The following SGCZ variants were observed in gnomAD, a reference collection of about 807,000 sequenced individuals.
SGCZ encodes zeta-sarcoglycan.
SGCZ carries 40 observed loss-of-function variants against 41.3 expected under a neutral mutation model. The ratio of observed to expected loss-of-function variants is 0.97; its 90% CI spans 0.75 to 1.26. The LOEUF is 1.26. SGCZ is among the 50% of genes most tolerant of loss of function. SGCZ has a pLI of 0.00. For missense variants in SGCZ, 552 were observed against 369.8 expected, an observed-to-expected ratio of 1.49 and a Z score of -4.04; for synonymous variants, 206 against 137.5, an observed-to-expected ratio of 1.50 and a Z score of -3.49.
intron 3 of SGCZ, chr8:14,309,662 GT>G (rs1801463517): frequency 6.2e-7 from 1 of 1,610,400 alleles, no homozygotes; most frequent in Non-Finnish European, 8.5e-7. Context: ...CTAAAAATAG[GT>G]TTGTTGTTTA....
chr8:14,413,297 C>T (rs1021310297), intron 2 of SGCZ, among the ~76,000 whole-genome samples: 1 of 151,964 alleles, frequency 6.6e-6, no homozygotes, highest in African/African-American at 2.4e-5. Flanking sequence ...GTTCAGAACA[C>T]ACGTTGTGTC....
intron 3 of SGCZ, among the ~76,000 whole-genome samples, chr8:14,259,258 C>G (rs1157927594): frequency 2.0e-5 from 3 of 152,102 alleles, no homozygotes; most frequent in Admixed American, 2.0e-4. Context: ...GTATAAAAGG[C>G]AGCAAGTTAT....
chr8:14,849,682 A>G (rs1803249439), intron 1 of SGCZ, among the ~76,000 whole-genome samples: 2 of 152,142 alleles, frequency 1.3e-5, no homozygotes, highest in Admixed American at 1.3e-4. Context: ...AAGTATCAGG[A>G]GTCTTTGTTG....
At position 14,631,973 on chromosome 8, in the gene SGCZ, A is replaced by G. The variant is rs1348515975; in HGVS notation, c.40-77047T>C. On this transcript the variant is annotated intron_variant, in intron 1 of 7. Transcript: ENST00000382080. ...ACCACATAATGTTTGTTACATTATT[A>G]CAATAGAAACATTTTACTTTTCTTG... Among the ~76,000 whole-genome samples, 4 of 152,146 alleles carry G rather than the reference A, an allele frequency of 2.6e-5. No individual in the cohort carries two copies. The East Asian group carries it at 7.7e-4, about 29-fold the overall frequency.
At chr8:14,274,525 T>C (rs1008162406) in intron 3 of SGCZ, among the ~76,000 whole-genome samples, 1 of 152,202 alleles carries the variant, frequency 6.6e-6, no homozygotes, top group African/African-American at 2.4e-5. Flanking sequence ...GTGCTAACAC[T>C]ATATTTTTCT....
chr8:14,118,508 G>C (rs1401860219), intron 5 of SGCZ, among the ~76,000 whole-genome samples: 1 of 152,112 alleles, frequency 6.6e-6, no homozygotes, highest in East Asian at 1.9e-4. Flanking sequence ...CCATTCTGTA[G>C]GTTGCCTGTT....
chr8:14,190,229 G>A (rs927615490), intron 4 of SGCZ, among the ~76,000 whole-genome samples: 3 of 151,786 alleles, frequency 2.0e-5, no homozygotes, highest in Non-Finnish European at 1.5e-5. Context: ...AGCCAGGATG[G>A]TCTCGAACTC....
intron 2 of SGCZ, among the ~76,000 whole-genome samples, chr8:14,415,150 G>T (rs1799461109): frequency 6.6e-6 from 1 of 151,516 alleles, no homozygotes; most frequent in Admixed American, 6.6e-5. Context: ...TTGATTCATT[G>T]GGTCCTTTGA....
chr8:14,531,618 G>A (rs12546558), intron 2 of SGCZ, among the ~76,000 whole-genome samples: 53,174 of 151,848 alleles, frequency 0.35, 10,148 homozygotes, highest in East Asian at 0.49. Flanking sequence ...TGAGTTATGA[G>A]AGGATACACA....
chr8:14,235,168 C>A (rs1421104109), intron 4 of SGCZ, among the ~76,000 whole-genome samples: 1 of 152,124 alleles, frequency 6.6e-6, no homozygotes, highest in East Asian at 1.9e-4. Context: ...CATTGGCACC[C>A]AACCAACTAC....
intron 1 of SGCZ, among the ~76,000 whole-genome samples, chr8:14,594,844 A>T (rs548715915): frequency 4.6e-5 from 7 of 151,716 alleles, no homozygotes; most frequent in South Asian, 2.1e-4. Context: ...TTCCTTAAAA[A>T]TTTTTTTACC....
intron 1 of SGCZ, among the ~76,000 whole-genome samples, chr8:14,655,932 G>T (rs1485087923): frequency 6.6e-6 from 1 of 152,004 alleles, no homozygotes; most frequent in African/African-American, 2.4e-5. Context: ...AGTATTTCAA[G>T]TATTGCTCCT....
At chr8:14,890,679 T>G (rs1358370237) in intron 1 of SGCZ, among the ~76,000 whole-genome samples, 1 of 152,198 alleles carries the variant, frequency 6.6e-6, no homozygotes, top group Admixed American at 6.5e-5. Flanking sequence ...AGTGGCTATT[T>G]TTATTGACAG....
At chr8:14,692,986 C>G (rs1808846489) in intron 1 of SGCZ, among the ~76,000 whole-genome samples, 1 of 152,058 alleles carries the variant, frequency 6.6e-6, no homozygotes, top group Admixed American at 6.6e-5. Flanking sequence ...ATTTTCAGAG[C>G]TCTCTGTATA....
intron 1 of SGCZ, among the ~76,000 whole-genome samples, chr8:14,586,974 T>A (rs73192366): frequency 0.12 from 17,649 of 151,754 alleles, 1,289 homozygotes; most frequent in East Asian, 0.34. Flanking sequence ...CACTAAAATA[T>A]ACTCTTTGGA....
chr8:14,153,940 G>GACACACACACAC (rs57842795), intron 5 of SGCZ, among the ~76,000 whole-genome samples: 3 of 142,746 alleles, frequency 2.1e-5, no homozygotes, highest in Non-Finnish European at 4.6e-5. Context: ...CACACACACA[G>GACACACACACAC]ACACACACAC....
At chr8:14,443,989 A>G (rs1314359654) in intron 2 of SGCZ, among the ~76,000 whole-genome samples, 1 of 152,182 alleles carries the variant, frequency 6.6e-6, no homozygotes, top group East Asian at 1.9e-4. Context: ...ACCCCATCAA[A>G]AAGTGGGTGA....
At chr8:14,267,936 G>GA (rs1426736714) in intron 3 of SGCZ, among the ~76,000 whole-genome samples, 1 of 151,790 alleles carries the variant, frequency 6.6e-6, no homozygotes, top group East Asian at 1.9e-4. Flanking sequence ...TCAGTTGCTA[G>GA]AAAAAATCAA....
chr8:14,396,035 C>G (rs912479022), intron 2 of SGCZ, among the ~76,000 whole-genome samples: 2 of 152,062 alleles, frequency 1.3e-5, no homozygotes, highest in Non-Finnish European at 2.9e-5. Context: ...AGGGTACGTA[C>G]AAAAGAAATC....
Sources: gnomAD v4.1 joint callset for allele counts (sites outside exome capture counted in the v4.1 genomes callset) on GRCh38, gnomAD v4.1.1 for gene constraint, MANE v1.5 for transcripts, NCBI Gene and HGNC (gene_info 2026-07-23, HGNC 2026-07-21) for gene names.